The following ANGPTL1 variants were observed in gnomAD, a reference collection of about 807,000 sequenced individuals.
ANGPTL1 encodes angiopoietin-related protein 1.
Under a neutral mutation model 46.7 loss-of-function variants are expected in ANGPTL1, and 36 were observed. The ratio of observed to expected loss-of-function variants is 0.77; its 90% CI spans 0.59 to 1.02. ANGPTL1 has a LOEUF of 1.02. Ranked by LOEUF, ANGPTL1 falls within the 50% of genes least tolerant of loss-of-function variation. The pLI, the probability that ANGPTL1 is intolerant of heterozygous loss-of-function variation, is 0.00. For missense variants in ANGPTL1, 571 were observed against 594.7 expected, an observed-to-expected ratio of 0.96 and a Z score of 0.41; for synonymous variants, 221 against 204.3, an observed-to-expected ratio of 1.08 and a Z score of -0.69.
chr1:178,861,859 A>C (rs1658037280), intron 3 of ANGPTL1, among the ~76,000 whole-genome samples: 1 of 151,856 alleles, frequency 6.6e-6, no homozygotes, highest in Non-Finnish European at 1.5e-5. Flanking sequence ...AAAGGGATTG[A>C]GGTTTGTTTG....
chr1:178,862,596 T>A (rs938476321), intron 3 of ANGPTL1, among the ~76,000 whole-genome samples: 6 of 55,356 alleles, frequency 1.1e-4, no homozygotes, highest in South Asian at 7.4e-4. Flanking sequence ...GCATTTTTTT[T>A]ATTTATTTAT....
chr1:178,852,602 T>A, intron 5 of ANGPTL1, 81 bp downstream of exon 5: 1 of 1,446,632 alleles, frequency 6.9e-7, no homozygotes, highest in Middle Eastern at 2.0e-4. Flanking sequence ...GAAAAGACTT[T>A]AGTAGCATAT....
At chr1:178,856,970 A>G (rs1413362008) in intron 3 of ANGPTL1, among the ~76,000 whole-genome samples, 1 of 152,014 alleles carries the variant, frequency 6.6e-6, no homozygotes, top group Non-Finnish European at 1.5e-5. Context: ...AACCAGTATA[A>G]CCTCTCTGTT....
rs762689640 is a variant in ANGPTL1 at position 178,865,037 on chromosome 1, C to T, written c.740G>A (p.Arg247Lys). ...CAGATCAGGTGGTGGCATTAAATCTCTGGGATAACCTGGATCCCTCTGAAT... is the reference window on the plus strand; with the variant it reads ...CAGATCAGGTGGTGGCATTAAATCTTTGGGATAACCTGGATCCCTCTGAAT... ...NEIQRDPGYPRDLMPPPDLAT... is the reference protein window; with the variant it reads ...NEIQRDPGYPKDLMPPPDLAT... The change falls in exon 3 of 6, where the codon AGA (arginine) becomes AAA (lysine). Residue 247 changes from arginine to lysine, a missense_variant. Arg to Lys is a conservative substitution (Grantham distance 26). Transcript: ENST00000234816. The T allele has an allele frequency of 6.7e-7, 1 of 1,492,012 alleles. No homozygotes were observed. Among genetic ancestry groups the T allele is most frequent in the South Asian group, 1.5e-5 (1 of 68,620 alleles). The allele number at this position is 1,492,012 out of a possible 1,614,324, so 92.4% of individuals were successfully genotyped here.
chr1:178,865,543 G>A lies in ANGPTL1; in HGVS notation c.234C>T (p.Asp78=). The A allele has an allele frequency of 6.2e-7, 1 of 1,614,110 alleles. No individual in the cohort carries two copies. Among genetic ancestry groups the A allele is most frequent in the Non-Finnish European group, 8.5e-7 (1 of 1,180,000 alleles). ...TKGQDASTIK[D]MITRMDLENL... The stretch of plus-strand genomic sequence containing the variant: ...TTTCAAGGTCCATCCTGGTGATCAT[G>A]TCTTTAATGGTACTTGCATCTTGCC... Residue 78 remains aspartate, a synonymous_variant, in exon 3 of 6, where the codon GAC becomes GAT. Coordinates refer to ENST00000234816, the MANE Select transcript of ANGPTL1 (RefSeq NM_004673.4).
chr1:178,867,459 G>T (rs1361507929), intron 2 of ANGPTL1, among the ~76,000 whole-genome samples: 1 of 152,008 alleles, frequency 6.6e-6, no homozygotes, highest in Non-Finnish European at 1.5e-5. Context: ...CTGAAGTAAT[G>T]CTGTATCATT....
chr1:178,865,860 G>C, intron 2 of ANGPTL1, 58 bp from the exon 3 acceptor site: 1 of 1,030,362 alleles, frequency 9.7e-7, no homozygotes. Flanking sequence ...ATTAATCTAT[G>C]TTAAAGTCAG....
At chr1:178,855,062 G>A (rs957877603) in intron 3 of ANGPTL1, among the ~76,000 whole-genome samples, 18 of 152,112 alleles carry the variant, frequency 1.2e-4, no homozygotes, top group Non-Finnish European at 2.5e-4. Flanking sequence ...CTAGAAATAT[G>A]TGAGAGTTTA....
chr1:178,857,719 CTGCATTCATTTGAGTA>C (rs1657684495), intron 3 of ANGPTL1, among the ~76,000 whole-genome samples: 1 of 152,042 alleles, frequency 6.6e-6, no homozygotes, highest in South Asian at 2.1e-4. Context: ...AATGTTTACT[CTGCATTCATTTGAGTA>C]TAGTTTTGAC....
intron 1 of ANGPTL1, 60 bp from the exon 2 acceptor site, chr1:178,869,283 AGGCATTTAACT>A (rs1006494759): frequency 1.3e-5 from 2 of 152,116 alleles, no homozygotes; most frequent in Admixed American, 1.3e-4. Flanking sequence ...AAACTCACAG[AGGCATTTAACT>A]GGCTGTGTCA....
intron 3 of ANGPTL1, among the ~76,000 whole-genome samples, chr1:178,859,640 A>G (rs1389773415): frequency 6.6e-6 from 1 of 150,708 alleles, no homozygotes; most frequent in African/African-American, 2.4e-5. Flanking sequence ...AGGGAAGTGT[A>G]CAAAATATGC....
At chr1:178,869,819 C>T (rs1263587571) in intron 1 of ANGPTL1, among the ~76,000 whole-genome samples, 2 of 152,008 alleles carry the variant, frequency 1.3e-5, no homozygotes, top group East Asian at 1.9e-4. Flanking sequence ...TGGTTTAAGG[C>T]ATACTATTGG....
At chr1:178,856,200 G>GAGAGATAGATAGAT (rs1657539569) in intron 3 of ANGPTL1, among the ~76,000 whole-genome samples, 1 of 40,942 alleles carries the variant, frequency 2.4e-5, no homozygotes, top group African/African-American at 9.3e-5. Flanking sequence ...CAGAGAGAGA[G>GAGAGATAGATAGAT]AGATATATAT....
chr1:178,864,857 A>C (rs1378231931), intron 3 of ANGPTL1, 97 bp downstream of exon 3: 2 of 813,384 alleles, frequency 2.5e-6, no homozygotes. Context: ...CATATATAAC[A>C]TCGCAAAATG....
In ANGPTL1 at chr1:178,862,903, T is replaced by C. The variant is rs572269261; in HGVS notation, c.823+2051A>G. 5.9e-5 allele frequency among the ~76,000 whole-genome samples: 9 copies of C among 152,308 alleles called. No individual in the cohort carries two copies. In the South Asian group the frequency reaches 1.7e-3, roughly 28 times the overall value. On this transcript the variant is annotated intron_variant, in intron 3 of 5. Transcript: ENST00000234816. The stretch of plus-strand genomic sequence containing the variant: ...ATCTGCTGGCAATGTAAATATATTT[T>C]GATGGAGAGAGAAAACAGAGTTACA...
At chr1:178,860,184 A>AT (rs151123678) in intron 3 of ANGPTL1, among the ~76,000 whole-genome samples, 1 of 151,820 alleles carries the variant, frequency 6.6e-6, no homozygotes, top group Non-Finnish European at 1.5e-5. Context: ...TAAAAGAGTA[A>AT]TTTTTTTTAA....
chr1:178,865,129 G>A lies in ANGPTL1; in HGVS notation c.648C>T (p.Val216=). The change falls in exon 3 of 6, where the codon GTC becomes GTT. Residue 216 remains valine, a synonymous_variant. Coordinates refer to ENST00000234816, the MANE Select transcript of ANGPTL1 (RefSeq NM_004673.4). ...TAGGAATATGTTGTGGCACCACCTG[G>A]ACAAGTGGGGGAGACACATGGGTGT... is the stretch of plus-strand genomic sequence containing the variant. ...RQDTHVSPPL[V]QVVPQHIPNS... is the part of the protein sequence containing the mutation. 1 of 1,590,640 alleles carries A rather than the reference G, an allele frequency of 6.3e-7. No homozygotes were observed. The highest frequency in any genetic ancestry group is 8.6e-7 in the Non-Finnish European group (1 of 1,166,412).
chr1:178,852,499 CTT>C (rs1657240241), intron 5 of ANGPTL1, among the ~76,000 whole-genome samples, 182 bp downstream of exon 5: 1 of 152,102 alleles, frequency 6.6e-6, no homozygotes, highest in African/African-American at 2.4e-5. Flanking sequence ...ATAGATCACA[CTT>C]TGGGATTGCC....
In ANGPTL1 at chr1:178,858,013, A is replaced by G. The variant is rs1459951422; in HGVS notation, c.824-4226T>C. Among the ~76,000 whole-genome samples, 7 of 152,218 alleles carry G rather than the reference A, an allele frequency of 4.6e-5. No individual in the cohort carries two copies. The South Asian group carries it at 1.5e-3, about 32-fold the overall frequency. On this transcript the variant is annotated intron_variant, in intron 3 of 5. Transcript: ENST00000234816. ...AGATTATCTTCAGCTTTAATTTTCA[A>G]CCCATGTTTTGCAGTGGGCTTTGTG... is the stretch of plus-strand genomic sequence containing the variant.
Sources: allele counts gnomAD v4.1 joint callset (sites outside exome capture counted in the v4.1 genomes callset), GRCh38; gene constraint gnomAD v4.1.1; transcripts MANE v1.5; gene names NCBI Gene and HGNC (gene_info 2026-07-23, HGNC 2026-07-21).